Variants in MMP8 observed in about 807,000 individuals in gnomAD.
MMP8 encodes the protein matrix metallopeptidase 8.
MMP8 carries 67 observed loss-of-function variants against 51.2 expected under a neutral mutation model. That is an observed-to-expected ratio of 1.31 (90% CI 1.08 to 1.60). MMP8 has a LOEUF of 1.60. Among genes scored for constraint, MMP8 ranks in the 40% most tolerant of loss-of-function variants. The pLI is 0.00. For missense variants in MMP8, 654 were observed against 558.1 expected (o/e 1.17, Z -1.73); for synonymous variants, 225 against 191.0 (o/e 1.18, Z -1.47).
At chr11:102,722,351 C>T in intron 2 of MMP8, 78 bp downstream of exon 2, 1 of 1,467,440 alleles carries the variant, frequency 6.8e-7, no homozygotes, top group Non-Finnish European at 9.3e-7. Flanking sequence ...CTAGTGTATC[C>T]CAAGAACAGT....
At position 102,722,583 on chromosome 11, in the gene MMP8, C is replaced by T. The variant is rs1050559466; in HGVS notation, c.193G>A (p.Glu65Lys). The T allele has an allele frequency of 6.2e-7, 1 of 1,613,826 alleles. No individual in the cohort carries two copies. The highest frequency in any genetic ancestry group is 1.7e-5 in the Admixed American group (1 of 59,974). The change falls in exon 2 of 10, where the codon GAA becomes AAA. Residue 65 changes from glutamate to lysine, a missense_variant. By Grantham distance (56) the Glu-to-Lys change is moderately conservative. Coordinates refer to ENST00000236826, the MANE Select transcript of MMP8 (RefSeq NM_002424.3). ...GTNVIVEKLK[E>K]MQRFFGLNVT... is the part of the protein sequence containing the mutation. ...TTCAACCCAAAAAATCGCTGCATTT[C>T]TTTAAGCTTTTCAACGATCACATTA...
chr11:102,722,605 A>G lies in MMP8; in HGVS notation c.171T>C (p.Asn57=). Residue 57 remains asparagine, a synonymous_variant, in exon 2 of 10, where the codon AAT becomes AAC. Coordinates refer to ENST00000236826, the MANE Select transcript of MMP8 (RefSeq NM_002424.3). ...QYQSTRKNGT[N]VIVEKLKEMQ... is the part of the protein sequence containing the mutation. ...TTTCTTTAAGCTTTTCAACGATCAC[A>G]TTAGTGCCATTCTTCCTTGTAGACT... The G allele has an allele frequency of 1.9e-6, 3 of 1,613,940 alleles. No homozygotes were observed. The highest frequency in any genetic ancestry group is 2.5e-6 in the Non-Finnish European group (3 of 1,179,856).
Position 102,718,396 on chromosome 11 carries a change from C to G in MMP8, c.784+18G>C, listed in dbSNP as rs201565438. ...CCAGGTCCTACCATGTACTATGACT[C>G]TCTTGAGAAGACCTTACCATAGATG... On this transcript the variant is annotated intron_variant, in intron 5 of 9. Coordinates refer to ENST00000236826, the MANE Select transcript of MMP8 (RefSeq NM_002424.3). The G allele has an allele frequency of 1.2e-6, 2 of 1,602,108 alleles. No homozygotes were observed. Among genetic ancestry groups the G allele is most frequent in the Non-Finnish European group, 1.7e-6 (2 of 1,173,618 alleles).
chr11:102,717,196 T>C (rs947670927), intron 5 of MMP8, among the ~76,000 whole-genome samples: 1 of 152,184 alleles, frequency 6.6e-6, no homozygotes, highest in Non-Finnish European at 1.5e-5. Context: ...CATTCCACAC[T>C]TTTTTAGAGA....
At position 102,722,563 on chromosome 11, in the gene MMP8, C is replaced by A; in HGVS notation, c.213G>T (p.Gly71=). ...CATTTGGCTTCCCCGTCACATTCAA[C>A]CCAAAAAATCGCTGCATTTCTTTAA... ...EKLKEMQRFF[G]LNVTGKPNEE... is the part of the protein sequence containing the mutation. The change falls in exon 2 of 10, where the codon GGG becomes GGT. Residue 71 remains glycine (G), a synonymous_variant. Coordinates refer to ENST00000236826, the MANE Select transcript of MMP8 (RefSeq NM_002424.3). 3.7e-6 allele frequency: 6 copies of A among 1,613,952 alleles called. No homozygotes were observed. The highest frequency in any genetic ancestry group is 5.1e-6 in the Non-Finnish European group (6 of 1,179,860).
chr11:102,718,486 T>TG lies in MMP8; in HGVS notation c.711dup (p.Asn238GlnfsTer16), dbSNP rs1207969512. On this transcript the variant is annotated frameshift_variant, in exon 5 of 10. Coordinates refer to ENST00000236826, the MANE Select transcript of MMP8 (RefSeq NM_002424.3). LOFTEE classifies it high-confidence loss of function. The stretch of plus-strand genomic sequence containing the variant: ...TTGCTGGTTTCCCTGAAAGCATAGT[T>TG]GGGATACATCAAGGCACCAGGGTCA... The TG allele has an allele frequency of 6.2e-7, 1 of 1,613,820 alleles. No homozygotes were observed. Among genetic ancestry groups the TG allele is most frequent in the East Asian group, 2.2e-5 (1 of 44,858 alleles).
At chr11:102,715,548 T>C in intron 6 of MMP8, 111 bp from the exon 7 acceptor site, 3 of 1,395,128 alleles carry the variant, frequency 2.2e-6, no homozygotes, top group East Asian at 2.4e-5. Context: ...TGGGAGAATA[T>C]AACAATCGAA....
At chr11:102,720,956 A>C (rs561811364) in intron 4 of MMP8, among the ~76,000 whole-genome samples, 176 of 152,344 alleles carry the variant, frequency 1.2e-3, no homozygotes, top group African/African-American at 4.0e-3. Flanking sequence ...TAAAATAAAG[A>C]TATTCTAAAG....
In MMP8 at chr11:102,721,906, G is replaced by A. The variant is rs1288335731; in HGVS notation, c.348-144C>T. On this transcript the variant is annotated intron_variant, in intron 2 of 9. Transcript: ENST00000236826. The stretch of plus-strand genomic sequence containing the variant: ...AAGGAGGGAGTGCAGGTCTCAGGGT[G>A]GAGGACAGATGTGGGTTCTGAACAA... 1.5e-5 allele frequency: 14 copies of A among 910,290 alleles called. No individual in the cohort carries two copies. The East Asian group carries it at 3.7e-4, about 24-fold the overall frequency. The allele number at this position is 910,290 out of a possible 1,614,324, so 56.4% of individuals were successfully genotyped here. A position where few individuals can be genotyped will look rare whatever the true frequency, so the allele number is the denominator to read the frequency against.
chr11:102,713,564 T>C (rs1473457451), intron 9 of MMP8, 107 bp from the exon 10 acceptor site: 7 of 1,090,172 alleles, frequency 6.4e-6, no homozygotes, highest in Non-Finnish European at 9.4e-6. Context: ...AATGCAAACA[T>C]GCTATTTAAA....
In MMP8 at chr11:102,716,345, C is replaced by T. The variant is rs1338969702; in HGVS notation, c.859G>A (p.Ala287Thr). 2 of 1,575,052 alleles carry T rather than the reference C, an allele frequency of 1.3e-6. No individual in the cohort carries two copies. The highest frequency in any genetic ancestry group is 3.5e-5 in the Admixed American group (2 of 57,046). Residue 287 changes from alanine (A) to threonine (T), a missense_variant, in exon 6 of 10, where the codon GCT becomes ACT. Ala to Thr is a moderately conservative substitution (Grantham distance 58). Transcript: ENST00000236826. ...KPCDPSLTFD[A>T]ITTLRGEILF... is the part of the protein sequence containing the mutation. The stretch of plus-strand genomic sequence containing the variant: ...ATTTCTCCACGGAGTGTGGTGATAG[C>T]ATCAAATGTCAAACTGGGGTCACAG...
Position 102,718,495 on chromosome 11 carries a change from T to A in MMP8, c.703A>T (p.Met235Leu). 6.2e-7 allele frequency: 1 copy of A among 1,613,886 alleles called. No homozygotes were observed. The highest frequency in any genetic ancestry group is 8.5e-7 in the Non-Finnish European group (1 of 1,179,924). ...LAHSSDPGAL[M>L]YPNYAFRETS... ...TCCCTGAAAGCATAGTTGGGATACA[T>A]CAAGGCACCAGGGTCAGAGGAGTGA... Residue 235 changes from methionine (M) to leucine (L), a missense_variant, in exon 5 of 10, where the codon ATG becomes TTG. Transcript: ENST00000236826.
intron 7 of MMP8, 64 bp from the exon 8 acceptor site, chr11:102,714,773 T>G (rs1201837231): frequency 1.5e-5 from 1 of 67,784 alleles, no homozygotes; most frequent in Non-Finnish European, 2.7e-5. Context: ...TATATATATA[T>G]ATATATATAT....
intron 8 of MMP8, 87 bp downstream of exon 8, chr11:102,714,469 T>G: frequency 1.1e-6 from 1 of 922,998 alleles, no homozygotes; most frequent in Admixed American, 3.9e-5. Flanking sequence ...ATCTAGATTG[T>G]TTTAAACCTT....
At chr11:102,717,603 G>T (rs1199848394) in intron 5 of MMP8, among the ~76,000 whole-genome samples, 1 of 152,048 alleles carries the variant, frequency 6.6e-6, no homozygotes, top group African/African-American at 2.4e-5. Context: ...TCACTTCATG[G>T]TGTGCAGCTA....
chr11:102,720,223 T>C (rs901798527), intron 4 of MMP8, among the ~76,000 whole-genome samples: 8 of 152,152 alleles, frequency 5.3e-5, no homozygotes, highest in African/African-American at 1.4e-4. Flanking sequence ...TGTGTAAACA[T>C]TGAAACTTTT....
chr11:102,712,540 G>A lies in MMP8; in HGVS notation c.*808C>T, dbSNP rs1861155119. On this transcript the variant is annotated 3_prime_UTR_variant, in exon 10 of 10. Transcript: ENST00000236826. ...AGGGTCACACTTGAAGGCTATTGGA[G>A]GGAATCCTTCCTTGCCTCTTCAAAG... is the stretch of plus-strand genomic sequence containing the variant. 1.3e-5 allele frequency: 2 copies of A among 152,302 alleles called. No homozygotes were observed. The highest frequency in any genetic ancestry group is 4.1e-4 in the South Asian group (2 of 4,824). The allele number at this position is 152,302 out of a possible 1,614,324, so 9.4% of individuals were successfully genotyped here.
chr11:102,724,055 C>CATT (rs765706761), intron 1 of MMP8: 23 of 161,414 alleles, frequency 1.4e-4, no homozygotes, highest in Middle Eastern at 1.4e-3. Flanking sequence ...ATGGACTTTA[C>CATT]ATTAACCCGG....
chr11:102,715,993 A>G (rs1014824344), intron 6 of MMP8, among the ~76,000 whole-genome samples: 4 of 152,060 alleles, frequency 2.6e-5, no homozygotes, highest in African/African-American at 9.7e-5. Flanking sequence ...AAGGCATCTG[A>G]ATGTTTGTGA....
Sources: gnomAD v4.1 joint callset for allele counts (sites outside exome capture counted in the v4.1 genomes callset) on GRCh38, gnomAD v4.1.1 for gene constraint, MANE v1.5 for transcripts, NCBI Gene and HGNC (gene_info 2026-07-23, HGNC 2026-07-21) for gene names.